Variants in NUFIP1 observed in about 807,000 individuals in gnomAD.
The protein encoded by NUFIP1 is nuclear FMR1 interacting protein 1, also known as FMR1-interacting protein NUFIP1.
A neutral mutation model predicts 56.2 loss-of-function variants in NUFIP1; 38 were observed. The ratio of observed to expected loss-of-function variants is 0.68; its 90% confidence interval spans 0.52 to 0.89. The LOEUF (loss-of-function observed/expected upper bound fraction) is 0.89. NUFIP1 is among the 40% of genes least tolerant of loss of function. The pLI, the probability that NUFIP1 is intolerant of heterozygous loss-of-function variation, is 0.00. For missense variants in NUFIP1, 567 were observed against 605.8 expected (o/e 0.94, Z 0.67); for synonymous variants, 215 against 212.4 (o/e 1.01, Z -0.10).
intron 1 of NUFIP1, among the ~76,000 whole-genome samples, chr13:44,987,926 A>AT (rs1480560191): frequency 6.6e-6 from 1 of 152,192 alleles, no homozygotes; most frequent in Non-Finnish European, 1.5e-5. Context: ...ATCTTCTACA[A>AT]TTATACTCCA....
chr13:44,956,300 G>A (rs1052734094), intron 7 of NUFIP1, among the ~76,000 whole-genome samples: 2 of 151,900 alleles, frequency 1.3e-5, no homozygotes, highest in Non-Finnish European at 2.9e-5. Context: ...ATTGTCTGTA[G>A]CTATACCTGC....
chr13:44,989,018 A>G lies in NUFIP1; in HGVS notation c.412+7T>C. On this transcript the variant is annotated splice_region_variant and intron_variant, in intron 1 of 9. Coordinates refer to ENST00000379161, the MANE Select transcript of NUFIP1 (RefSeq NM_012345.3). ...AAGGGGTCGACTCACGTGGAAAAAT[A>G]GCCTACCTGCAGGGTTGAAGGACTT... 1 of 1,613,378 alleles carries G rather than the reference A, an allele frequency of 6.2e-7. No individual in the cohort carries two copies. The highest frequency in any genetic ancestry group is 8.5e-7 in the Non-Finnish European group (1 of 1,179,892).
chr13:44,950,422 C>G (rs1247796962), intron 7 of NUFIP1, among the ~76,000 whole-genome samples: 1 of 152,116 alleles, frequency 6.6e-6, no homozygotes, highest in Non-Finnish European at 1.5e-5. Flanking sequence ...CTCGGCTCAC[C>G]ACAACCTCTG....
chr13:44,952,909 G>C (rs1275023217), intron 7 of NUFIP1, among the ~76,000 whole-genome samples: 1 of 152,116 alleles, frequency 6.6e-6, no homozygotes, highest in South Asian at 2.1e-4. Flanking sequence ...TTGATACTTT[G>C]AAGATTATTG....
rs780315520 is a variant in NUFIP1 at position 44,949,694 on chromosome 13, C to A, written c.1138+28G>T. On this transcript the variant is annotated intron_variant, in intron 8 of 9. Transcript: ENST00000379161. ...AAAGGCAAAAAGCAACAAAACAAAA[C>A]CCTGTAACAACACACACCATGACTT... 3.5e-6 allele frequency: 5 copies of A among 1,433,478 alleles called. No homozygotes were observed. In the African/African-American group the frequency reaches 7.2e-5, roughly 21 times the overall value. The allele number at this position is 1,433,478 out of a possible 1,614,324, so 88.8% of individuals were successfully genotyped here.
At chr13:44,978,807 T>A (rs1440853886) in intron 5 of NUFIP1, among the ~76,000 whole-genome samples, 1 of 152,198 alleles carries the variant, frequency 6.6e-6, no homozygotes, top group Non-Finnish European at 1.5e-5. Context: ...TTAGCTCACC[T>A]TAGTTTAAGG....
At chr13:44,987,240 T>C (rs1872429589) in intron 1 of NUFIP1, among the ~76,000 whole-genome samples, 1 of 152,062 alleles carries the variant, frequency 6.6e-6, no homozygotes, top group African/African-American at 2.4e-5. Context: ...TAGCCAGGCA[T>C]GGTGGCGGGC....
chr13:44,973,750 G>A (rs774196667), intron 5 of NUFIP1, among the ~76,000 whole-genome samples: 1 of 152,188 alleles, frequency 6.6e-6, no homozygotes, highest in Non-Finnish European at 1.5e-5. Context: ...ATACCCAAAA[G>A]TGGATGGATT....
At chr13:44,949,064 T>TATA in intron 8 of NUFIP1, among the ~76,000 whole-genome samples, 1 of 152,306 alleles carries the variant, frequency 6.6e-6, no homozygotes, top group Middle Eastern at 3.4e-3. Context: ...CCAAAGATGC[T>TATA]ATAAACACGT....
At position 44,984,439 on chromosome 13, in the gene NUFIP1, G is replaced by A. The variant is rs150643167; in HGVS notation, c.413-2285C>T. 9.2e-3 allele frequency among the ~76,000 whole-genome samples: 1,392 copies of A among 152,112 alleles called. 106 individuals are homozygous for A. The East Asian group carries it at 0.19, about 21-fold the overall frequency. On this transcript the variant is annotated intron_variant, in intron 1 of 9. Coordinates refer to ENST00000379161, the MANE Select transcript of NUFIP1 (RefSeq NM_012345.3). ...GCAGATCACTTGAGGTCAGGAGCTC[G>A]AGACCAGCCTGGCCAACATGGTGAA... is the stretch of plus-strand genomic sequence containing the variant.
chr13:44,972,738 A>C (rs1196459188), intron 5 of NUFIP1, among the ~76,000 whole-genome samples: 1 of 152,220 alleles, frequency 6.6e-6, no homozygotes. Context: ...TCCCTTGACC[A>C]GTCAGGATTA....
chr13:44,987,905 C>T (rs947609330), intron 1 of NUFIP1, among the ~76,000 whole-genome samples: 2 of 152,052 alleles, frequency 1.3e-5, no homozygotes, highest in Non-Finnish European at 2.9e-5. Flanking sequence ...CAGGTCTTAC[C>T]CTCCTCCCCC....
chr13:44,950,305 G>C (rs1871046589), intron 7 of NUFIP1, among the ~76,000 whole-genome samples: 1 of 152,144 alleles, frequency 6.6e-6, no homozygotes, highest in Non-Finnish European at 1.5e-5. Flanking sequence ...AATATTCAAA[G>C]CATTCTATAG....
At chr13:44,949,871 T>A in intron 7 of NUFIP1, 33 bp from the exon 8 acceptor site, 1 of 1,393,264 alleles carries the variant, frequency 7.2e-7, no homozygotes, top group African/African-American at 1.4e-5. Context: ...TCAAAACATC[T>A]ACCACCATAA....
At position 44,959,462 on chromosome 13, in the gene NUFIP1, T is replaced by C; in HGVS notation, c.940A>G (p.Ser314Gly). Residue 314 changes from serine (S) to glycine (G), a missense_variant, in exon 7 of 10, where the codon AGT (serine) becomes GGT (glycine). Transcript: ENST00000379161. ...TCTAGCTTCAAATCACACAAGTGAC[T>C]GCCTGATCCAGTGACTGCTCTCTGT... ...SRQRAVTGSG[S>G]HLCDLKLEGP... 6.2e-7 allele frequency: 1 copy of C among 1,614,204 alleles called. No homozygotes were observed. The highest frequency in any genetic ancestry group is 1.1e-5 in the South Asian group (1 of 91,084).
intron 6 of NUFIP1, among the ~76,000 whole-genome samples, chr13:44,959,904 C>T (rs1346294573): frequency 6.6e-6 from 1 of 151,424 alleles, no homozygotes; most frequent in Non-Finnish European, 1.5e-5. Flanking sequence ...TTTCATTCTT[C>T]TATTGTACAT....
At chr13:44,957,687 C>T (rs1330348546) in intron 7 of NUFIP1, among the ~76,000 whole-genome samples, 1 of 151,902 alleles carries the variant, frequency 6.6e-6, no homozygotes, top group African/African-American at 2.4e-5. Context: ...TTAGTATATA[C>T]TGAAATACTT....
chr13:44,945,459 C>T (rs1299578858), intron 8 of NUFIP1, among the ~76,000 whole-genome samples: 1 of 151,932 alleles, frequency 6.6e-6, no homozygotes, highest in Non-Finnish European at 1.5e-5. Context: ...AGAAATCCTA[C>T]ACAAACCCTT....
intron 5 of NUFIP1, among the ~76,000 whole-genome samples, chr13:44,972,835 A>T (rs1307908142): frequency 6.6e-6 from 1 of 152,234 alleles, no homozygotes; most frequent in Non-Finnish European, 1.5e-5. Flanking sequence ...CTACAGTGAG[A>T]ACCTTAAAGG....
Sources: allele counts gnomAD v4.1 joint callset (sites outside exome capture counted in the v4.1 genomes callset), GRCh38; gene constraint gnomAD v4.1.1; transcripts MANE v1.5; gene names NCBI Gene and HGNC (gene_info 2026-07-23, HGNC 2026-07-21).